The following ABCC1 variants were observed in gnomAD, a reference collection of about 807,000 sequenced individuals.
The protein encoded by ABCC1 is ATP binding cassette subfamily C member 1 (ABCC1 blood group), also known as multidrug resistance-associated protein 1.
ABCC1 carries 83 observed loss-of-function variants against 172.9 expected under a neutral mutation model. That is an observed-to-expected ratio of 0.48 (90% CI 0.40 to 0.58). The LOEUF (loss-of-function observed/expected upper bound fraction) is 0.58, where lower values mean the gene tolerates loss of function less well. Ranked by LOEUF, ABCC1 falls within the 20% of genes least tolerant of loss-of-function variation. The probability of loss-of-function intolerance (pLI) is 0.00; values close to 1 mark genes in which losing one functional copy is unlikely to be tolerated. For synonymous variants in ABCC1, 937 were observed against 825.2 expected, an observed-to-expected ratio of 1.14 and a Z score of -2.32; for missense variants, 1,817 against 2,002.7, an observed-to-expected ratio of 0.91 and a Z score of 1.77.
At chr16:15,990,214 C>G (rs554728741) in intron 1 of ABCC1, among the ~76,000 whole-genome samples, 2 of 152,230 alleles carry the variant, frequency 1.3e-5, no homozygotes, top group African/African-American at 4.8e-5. Flanking sequence ...GCCACCACAC[C>G]CAGCTAATTT....
intron 21 of ABCC1, among the ~76,000 whole-genome samples, chr16:16,108,347 C>T (rs1047377651): frequency 2.7e-5 from 4 of 150,114 alleles, no homozygotes; most frequent in Non-Finnish European, 5.9e-5. Context: ...TGGCGCTCAC[C>T]GCAACCTCCG....
intron 5 of ABCC1, among the ~76,000 whole-genome samples, chr16:16,031,966 G>C (rs1482143715): frequency 6.6e-6 from 1 of 151,744 alleles, no homozygotes; most frequent in Non-Finnish European, 1.5e-5. Flanking sequence ...TTCATCTCTG[G>C]TCCCCAGTTT....
chr16:16,102,072 A>C (rs45590333), intron 19 of ABCC1, among the ~76,000 whole-genome samples: 9 of 152,200 alleles, frequency 5.9e-5, no homozygotes, highest in Admixed American at 2.0e-4. Flanking sequence ...CCACTGCCCC[A>C]GGTACCTTTT....
chr16:15,986,985 C>T (rs215078), intron 1 of ABCC1, among the ~76,000 whole-genome samples: 34,337 of 151,890 alleles, frequency 0.23, 4,406 homozygotes, highest in African/African-American at 0.35. Context: ...GACAATGTGG[C>T]GAAACCCCAT....
chr16:16,075,824 G>A (rs1186968780), intron 14 of ABCC1, among the ~76,000 whole-genome samples: 1 of 152,182 alleles, frequency 6.6e-6, no homozygotes, highest in Non-Finnish European at 1.5e-5. Context: ...GAAGACAGAG[G>A]ACCTGGGGAG....
chr16:16,024,286 G>C (rs2048295766), intron 5 of ABCC1, among the ~76,000 whole-genome samples: 1 of 40,672 alleles, frequency 2.5e-5, no homozygotes, highest in Non-Finnish European at 7.8e-5. Flanking sequence ...AGCGAAAAGA[G>C]AGGCAAGAGT....
chr16:16,039,288 G>A (rs954145652), intron 7 of ABCC1, among the ~76,000 whole-genome samples: 1 of 108,754 alleles, frequency 9.2e-6, no homozygotes, highest in African/African-American at 3.9e-5. Context: ...TTTTTTTTGA[G>A]ATGGAGTCTC....
intron 15 of ABCC1, 60 bp from the exon 16 acceptor site, chr16:16,079,292 G>C: frequency 6.3e-7 from 1 of 1,593,294 alleles, no homozygotes; most frequent in Non-Finnish European, 8.6e-7. Context: ...GGTGGCCATG[G>C]GCATTAGCCC....
At chr16:16,122,238 T>A in intron 24 of ABCC1, 64 bp downstream of exon 24, 1 of 1,570,110 alleles carries the variant, frequency 6.4e-7, no homozygotes, top group Non-Finnish European at 8.7e-7. Context: ...TCTCTTTGCC[T>A]CGATCTTTTC....
intron 11 of ABCC1, 54 bp downstream of exon 11, chr16:16,052,870 C>T: frequency 1.3e-6 from 2 of 1,555,596 alleles, no homozygotes; most frequent in Non-Finnish European, 1.8e-6. Context: ...AGAGGCCTCT[C>T]CATGAGGATT....
rs539287617 is a variant in ABCC1, at chr16:16,005,014, T to C, written c.49-2802T>C. Among the ~76,000 whole-genome samples, 5 of 113,346 alleles carry C rather than the reference T, an allele frequency of 4.4e-5. No individual in the cohort carries two copies. The South Asian group carries it at 1.3e-3, about 30-fold the overall frequency. 74.4% of individuals were successfully genotyped at this position (113,346 alleles called of 152,430 possible). A position where few individuals can be genotyped will look rare whatever the true frequency, so the allele number is the denominator to read the frequency against. On this transcript the variant is annotated intron_variant, in intron 1 of 30. Coordinates refer to ENST00000399410, the MANE Select transcript of ABCC1 (RefSeq NM_004996.4). ...TGGAACATGTATATTTTGATCAGATTGACACTTTTTTTTTTAAGTGAAGTG... is the reference window on the plus strand; with the variant it reads ...TGGAACATGTATATTTTGATCAGATCGACACTTTTTTTTTTAAGTGAAGTG...
intron 24 of ABCC1, among the ~76,000 whole-genome samples, chr16:16,124,398 T>TGTGTGG (rs1555502631): frequency 7.3e-6 from 1 of 136,478 alleles, no homozygotes; most frequent in Admixed American, 8.1e-5. Context: ...TGTGTGTGTG[T>TGTGTGG]GTGTGTGTGT....
intron 1 of ABCC1, among the ~76,000 whole-genome samples, chr16:15,995,465 C>G (rs556442787): frequency 6.6e-6 from 1 of 152,132 alleles, no homozygotes; most frequent in Non-Finnish European, 1.5e-5. Flanking sequence ...TATGCTTCAC[C>G]CACTTTCTTC....
intron 12 of ABCC1, among the ~76,000 whole-genome samples, chr16:16,063,856 CT>C (rs1567363062): frequency 6.6e-6 from 1 of 152,102 alleles, no homozygotes. Flanking sequence ...GGGATTGAGT[CT>C]CATTGGTTGT....
Position 16,090,588 on chromosome 16 carries a change from G to T in ABCC1, c.2644G>T (p.Gly882Trp), listed in dbSNP as rs777013039. The change falls in exon 19 of 31, where the codon GGG becomes TGG. Residue 882 changes from glycine to tryptophan, a missense_variant and splice_region_variant. Gly to Trp is a radical substitution (Grantham distance 184, BLOSUM62 -2). Around this residue, in one of 3 missense-constraint regions of ABCC1, gnomAD observed 1,412 missense variants for 1,600.3 expected, o/e 0.88. Transcript: ENST00000399410. ...GCAGGAGCAGGATGCAGAGGAGAAC[G>T]GTAGGGGCAGCCCCAGGGTTCCACC... is the stretch of plus-strand genomic sequence containing the variant. ...TEQEQDAEEN[G>W]VTGVSGPGKE... 3 of 1,583,404 alleles carry T rather than the reference G, an allele frequency of 1.9e-6. No individual in the cohort carries two copies. Among genetic ancestry groups the T allele is most frequent in the Admixed American group, 1.7e-5 (1 of 57,850 alleles).
intron 21 of ABCC1, among the ~76,000 whole-genome samples, chr16:16,109,702 C>T (rs35090860): frequency 0.18 from 27,936 of 152,102 alleles, 3,050 homozygotes; most frequent in East Asian, 0.41. Flanking sequence ...CTCCAACCTT[C>T]ACCTCCTGGA....
At chr16:16,106,121 C>T (rs1389498101) in intron 20 of ABCC1, among the ~76,000 whole-genome samples, 1 of 152,012 alleles carries the variant, frequency 6.6e-6, no homozygotes, top group Non-Finnish European at 1.5e-5. Flanking sequence ...AAGTGATCCG[C>T]CCACCTCGGC....
upstream of ABCC1, chr16:15,949,611 G>GCGGCGCCGCCGCCGCCGCCGCCGCCGC: frequency 1.2e-5 from 2 of 163,472 alleles, no homozygotes; most frequent in South Asian, 3.7e-4. Flanking sequence ...CCGGCTCCCT[G>GCGGCGCCGCCGCCGCCGCCGCCGCCGC]CGCCGCCGCC....
At chr16:15,991,064 C>G (rs1024575112) in intron 1 of ABCC1, among the ~76,000 whole-genome samples, 3 of 152,110 alleles carry the variant, frequency 2.0e-5, no homozygotes, top group Non-Finnish European at 4.4e-5. Flanking sequence ...TTGTCTCCAT[C>G]TTGGTTGCTG....
Sources: gnomAD v4.1 joint callset for allele counts (sites outside exome capture counted in the v4.1 genomes callset) on GRCh38, gnomAD v4.1.1 for gene constraint, gnomAD v4.1.1 regional missense constraint, MANE v1.5 for transcripts, NCBI Gene and HGNC (gene_info 2026-07-23, HGNC 2026-07-21) for gene names.